The following PYHIN1 variants were observed in gnomAD, a reference collection of about 807,000 sequenced individuals.
PYHIN1 encodes pyrin and HIN domain-containing protein 1.
PYHIN1 carries 32 observed loss-of-function variants against 43.7 expected under a neutral mutation model. The ratio of observed to expected loss-of-function variants is 0.73; its 90% confidence interval spans 0.55 to 0.98. PYHIN1 has a LOEUF of 0.98. Among genes scored for constraint, PYHIN1 ranks in the 50% least tolerant of loss-of-function variants. The pLI is 0.00. For synonymous variants in PYHIN1, 205 were observed against 203.1 expected (o/e 1.01, Z -0.08); for missense variants, 588 against 589.5 (o/e 1.00, Z 0.03).
intron 6 of PYHIN1, 96 bp downstream of exon 6, chr1:158,944,074 T>A: frequency 1.0e-6 from 1 of 991,594 alleles, no homozygotes; most frequent in South Asian, 2.2e-5. Context: ...ACACTTAAAA[T>A]TCTGCAGAGT....
At chr1:158,949,725 T>A (rs1649427527) in intron 7 of PYHIN1, among the ~76,000 whole-genome samples, 1 of 152,222 alleles carries the variant, frequency 6.6e-6, no homozygotes, top group African/African-American at 2.4e-5. Context: ...TCATTTTTTA[T>A]GGCTGCATAG....
chr1:158,990,762 T>C, the PYHIN1 span, among the ~76,000 whole-genome samples: 1 of 152,182 alleles, frequency 6.6e-6, no homozygotes, highest in African/African-American at 2.4e-5. Flanking sequence ...TATGAATGAG[T>C]GATACAGTTT....
At chr1:158,952,488 A>C (rs924519798) in intron 7 of PYHIN1, among the ~76,000 whole-genome samples, 1 of 152,082 alleles carries the variant, frequency 6.6e-6, no homozygotes, top group South Asian at 2.1e-4. Context: ...CCTAGAGCAT[A>C]TCCCATTTTT....
At chr1:158,985,711 A>G in the PYHIN1 span, among the ~76,000 whole-genome samples, 2 of 152,294 alleles carry the variant, frequency 1.3e-5, no homozygotes, top group African/African-American at 2.4e-5. Flanking sequence ...TAGCAAGGTC[A>G]GGTAAATTTT....
chr1:158,955,372 T>C (rs1408948710), intron 7 of PYHIN1, among the ~76,000 whole-genome samples: 183 of 149,310 alleles, frequency 1.2e-3, no homozygotes, highest in Admixed American at 4.1e-3. Flanking sequence ...CCTCAGCAAA[T>C]GTAAAAGAAC....
the PYHIN1 span, among the ~76,000 whole-genome samples, chr1:158,985,642 T>C: frequency 2.0e-5 from 3 of 152,318 alleles, no homozygotes; most frequent in Admixed American, 1.3e-4. Context: ...GGGATTGTCA[T>C]CTTGTGTAAT....
the PYHIN1 span, among the ~76,000 whole-genome samples, chr1:158,988,728 T>C: frequency 6.6e-6 from 1 of 152,204 alleles, no homozygotes; most frequent in Non-Finnish European, 1.5e-5. Flanking sequence ...AATTTCTTCT[T>C]ACTGTTTAAA....
intron 7 of PYHIN1, among the ~76,000 whole-genome samples, chr1:158,953,962 C>G (rs187993476): frequency 0.1 from 13,234 of 126,766 alleles, 817 homozygotes; most frequent in Non-Finnish European, 0.12. Flanking sequence ...ATGCAGAAGC[C>G]TCAGGAGCCG....
At chr1:158,943,117 TA>T (rs1649022473) in intron 5 of PYHIN1, among the ~76,000 whole-genome samples, 1 of 152,212 alleles carries the variant, frequency 6.6e-6, no homozygotes, top group Non-Finnish European at 1.5e-5. Flanking sequence ...TTGAGTCCAG[TA>T]ATTTCTTAGA....
At chr1:158,975,738 A>G (rs1183765544) in intron 8 of PYHIN1, among the ~76,000 whole-genome samples, 1 of 152,116 alleles carries the variant, frequency 6.6e-6, no homozygotes, top group Non-Finnish European at 1.5e-5. Context: ...AGAATTATCC[A>G]TCTGATATAT....
At chr1:158,983,450 T>G in the PYHIN1 span, among the ~76,000 whole-genome samples, 2 of 152,326 alleles carry the variant, frequency 1.3e-5, no homozygotes, top group Admixed American at 6.5e-5. Flanking sequence ...TTTACCAATT[T>G]GCGTATGTTG....
At chr1:158,979,940 T>C (rs536706670), downstream of PYHIN1, among the ~76,000 whole-genome samples, 42 of 152,296 alleles carry the variant, frequency 2.8e-4, no homozygotes, top group African/African-American at 9.9e-4. Flanking sequence ...TGTGTCCTTG[T>C]GTACTCAATG....
At chr1:158,980,881 C>A (rs1651462523), downstream of PYHIN1, among the ~76,000 whole-genome samples, 1 of 152,100 alleles carries the variant, frequency 6.6e-6, no homozygotes, top group South Asian at 2.1e-4. Context: ...TGTTCTTACA[C>A]CCCCTCCCTT....
intron 7 of PYHIN1, among the ~76,000 whole-genome samples, chr1:158,965,894 A>C (rs7553715): frequency 0.11 from 16,870 of 152,132 alleles, 1,078 homozygotes; most frequent in Non-Finnish European, 0.12. Flanking sequence ...TATCAGAGCT[A>C]AACTAAAAGA....
rs1174230699 is a variant in PYHIN1 at position 158,956,214 on chromosome 1, A to G, written c.1359+11172A>G. 2.0e-4 allele frequency among the ~76,000 whole-genome samples: 30 copies of G among 149,522 alleles called. No homozygotes were observed. The East Asian group carries it at 3.6e-3, about 18-fold the overall frequency. On this transcript the variant is annotated intron_variant, in intron 7 of 8. Coordinates refer to ENST00000368140, the MANE Select transcript of PYHIN1 (RefSeq NM_152501.5). Reference sequence around the variant, plus strand: ...TACCATTCCTTCTGAAACTATTCCAATCAATAGAAAAAGAGGGAATCCTCC... The same window carrying G: ...TACCATTCCTTCTGAAACTATTCCAGTCAATAGAAAAAGAGGGAATCCTCC...
chr1:158,946,399 C>A (rs1374283884), intron 7 of PYHIN1, among the ~76,000 whole-genome samples: 1 of 152,076 alleles, frequency 6.6e-6, no homozygotes. Flanking sequence ...TGTTAAAAAA[C>A]ATTTACTGCA....
chr1:158,939,403 G>A, intron 4 of PYHIN1, 156 bp downstream of exon 4: 1 of 1,567,890 alleles, frequency 6.4e-7, no homozygotes, highest in Non-Finnish European at 8.7e-7. Flanking sequence ...GCTTCCACAG[G>A]CATATTTGAT....
the PYHIN1 span, among the ~76,000 whole-genome samples, chr1:158,982,943 G>A: frequency 2.0e-5 from 3 of 152,074 alleles, no homozygotes; most frequent in South Asian, 2.1e-4. Flanking sequence ...TTCAGCTTGG[G>A]TATTATTAGT....
intron 5 of PYHIN1, 116 bp downstream of exon 5, chr1:158,942,515 A>G: frequency 2.6e-6 from 2 of 757,098 alleles, no homozygotes; most frequent in East Asian, 2.7e-5. Context: ...GGACTCTCTC[A>G]AAACTACTGA....
Sources: allele counts gnomAD v4.1 joint callset (sites outside exome capture counted in the v4.1 genomes callset), GRCh38; gene constraint gnomAD v4.1.1; transcripts MANE v1.5; gene names NCBI Gene and HGNC (gene_info 2026-07-23, HGNC 2026-07-21).